The following NUB1 variants were observed in gnomAD, a reference collection of about 807,000 sequenced individuals.
The protein encoded by NUB1 is NEDD8 ultimate buster 1.
Under a neutral mutation model 77.1 loss-of-function variants are expected in NUB1, and 41 were observed. The ratio of observed to expected loss-of-function variants is 0.53; its 90% CI spans 0.41 to 0.69. The LOEUF (loss-of-function observed/expected upper bound fraction) is 0.69, where lower values mean the gene tolerates loss of function less well. NUB1 is among the 30% of genes least tolerant of loss of function. The pLI is 0.00. For missense variants in NUB1, 643 were observed against 743.8 expected (o/e 0.86, Z 1.58); for synonymous variants, 257 against 281.0 (o/e 0.91, Z 0.85).
chr7:151,367,727 C>T, intron 9 of NUB1, 134 bp from the exon 10 acceptor site: 7 of 605,656 alleles, frequency 1.2e-5, no homozygotes, highest in Admixed American at 3.1e-5. Flanking sequence ...TGCCGTCAGT[C>T]ATAGTGAAGC....
At chr7:151,362,182 G>GT (rs1410615632) in intron 8 of NUB1, among the ~76,000 whole-genome samples, 1 of 152,062 alleles carries the variant, frequency 6.6e-6, no homozygotes, top group Non-Finnish European at 1.5e-5. Context: ...AACATGTCCG[G>GT]TAAGTGGTAG....
chr7:151,376,007 C>G, intron 13 of NUB1, 64 bp downstream of exon 13: 1 of 1,029,014 alleles, frequency 9.7e-7, no homozygotes, highest in Admixed American at 1.7e-5. Context: ...TGGGGTAACC[C>G]GGGTGAATCA....
chr7:151,367,108 A>G lies in NUB1; in HGVS notation c.970A>G (p.Arg324Gly). The change falls in exon 9 of 15, where the codon AGA (arginine) becomes GGA (glycine). Residue 324 changes from arginine to glycine, a missense_variant. Arg to Gly is a moderately radical substitution (Grantham distance 125). Transcript: ENST00000568733. The part of the protein sequence containing the change: ...FKNCYGENHQ[R>G]LVHIKGNCGK... Reference sequence around the variant, plus strand: ...AAATTGTTACGGAGAAAATCATCAGAGACTGGTCCACATAAAAGTATGTTC... The same window carrying G: ...AAATTGTTACGGAGAAAATCATCAGGGACTGGTCCACATAAAAGTATGTTC... 1 of 1,613,312 alleles carries G rather than the reference A, an allele frequency of 6.2e-7. No homozygotes were observed. The highest frequency in any genetic ancestry group is 1.3e-5 in the African/African-American group (1 of 74,982).
chr7:151,368,181 T>C (rs914895307), intron 10 of NUB1, among the ~76,000 whole-genome samples: 1 of 152,192 alleles, frequency 6.6e-6, no homozygotes, highest in African/African-American at 2.4e-5. Flanking sequence ...TTTAATTGGA[T>C]AGAAGTTTAT....
chr7:151,361,927 C>T (rs1440621638), intron 8 of NUB1, among the ~76,000 whole-genome samples: 1 of 152,094 alleles, frequency 6.6e-6, no homozygotes, highest in Non-Finnish European at 1.5e-5. Context: ...TCATTCCCTT[C>T]CATAGTTGTT....
rs78815323 is a variant in NUB1 at position 151,375,755 on chromosome 7, C to T, written c.1396-93C>T. 4.7e-3 allele frequency: 3,812 copies of T among 817,554 alleles called. 17 individuals are homozygous for T. The highest frequency in any genetic ancestry group is 6.3e-3 in the Non-Finnish European group (2,956 of 468,154). 50.6% of individuals were successfully genotyped at this position (817,554 alleles called of 1,614,324 possible). Reference sequence around the variant, plus strand: ...TCTGCCTCATAGCAGCAGAGGACGGCGGGGTCTGCCTAGCACATGGCAGGG... The same window carrying T: ...TCTGCCTCATAGCAGCAGAGGACGGTGGGGTCTGCCTAGCACATGGCAGGG... On this transcript the variant is annotated intron_variant, in intron 12 of 14. Coordinates refer to ENST00000568733, the MANE Select transcript of NUB1 (RefSeq NM_001243351.2).
intron 2 of NUB1, among the ~76,000 whole-genome samples, chr7:151,348,107 C>T (rs1371044781): frequency 6.6e-6 from 1 of 152,168 alleles, no homozygotes; most frequent in Admixed American, 6.5e-5. Context: ...CTTTGAGCAT[C>T]TCCAGATGCT....
At chr7:151,369,398 CTCTT>C (rs1360598832) in intron 11 of NUB1, among the ~76,000 whole-genome samples, 5 of 152,192 alleles carry the variant, frequency 3.3e-5, no homozygotes, top group African/African-American at 9.6e-5. Context: ...TCCCCTCTCT[CTCTT>C]TCTTTAACAC....
chr7:151,375,821 G>A (rs1238536889), intron 12 of NUB1, 27 bp from the exon 13 acceptor site: 2 of 1,468,078 alleles, frequency 1.4e-6, no homozygotes, highest in Non-Finnish European at 1.9e-6. Flanking sequence ...CTTAGTGATG[G>A]GTAAAGGGTG....
rs1272042940 is a variant in NUB1, at chr7:151,377,755, T to C, written c.*530T>C. 6.6e-6 allele frequency: 1 copy of C among 152,344 alleles called. No individual in the cohort carries two copies. Among genetic ancestry groups the C allele is most frequent in the East Asian group, 1.9e-4 (1 of 5,198 alleles). 9.4% of individuals were successfully genotyped at this position (152,344 alleles called of 1,614,324 possible). ...TCTTCCTTCCAAGTGCTGTGGGGCA[T>C]AACGATGAGGCGCTGGCCTTGGGGG... On this transcript the variant is annotated 3_prime_UTR_variant, in exon 15 of 15. Transcript: ENST00000568733.
At chr7:151,373,978 T>C in intron 11 of NUB1, 119 bp from the exon 12 acceptor site, 1 of 1,130,800 alleles carries the variant, frequency 8.8e-7, no homozygotes, top group Non-Finnish European at 1.2e-6. Context: ...GGGCCCCCTG[T>C]GCTTTGCTTT....
intron 2 of NUB1, among the ~76,000 whole-genome samples, chr7:151,345,720 C>G (rs546826689): frequency 6.6e-6 from 1 of 152,148 alleles, no homozygotes; most frequent in Non-Finnish European, 1.5e-5. Context: ...CATTATTTAT[C>G]TGGAACTCAT....
At chr7:151,369,349 A>G (rs1163836041) in intron 11 of NUB1, among the ~76,000 whole-genome samples, 1 of 152,146 alleles carries the variant, frequency 6.6e-6, no homozygotes, top group East Asian at 1.9e-4. Context: ...CACATGCTGC[A>G]GTCTCCTTAG....
chr7:151,375,940 C>T lies in NUB1; in HGVS notation c.1488C>T (p.Asp496=), dbSNP rs1017424696. 3 of 1,605,952 alleles carry T rather than the reference C, an allele frequency of 1.9e-6. No individual in the cohort carries two copies. The highest frequency in any genetic ancestry group is 2.6e-6 in the Non-Finnish European group (3 of 1,172,686). ...AAAGTCCTTCCCAGGAAAACATTGA[C>T]CGAGTGAGTGACAGGCCTTTGTGCC... The part of the protein sequence containing the change: ...RQESPSQENI[D]RLVYMGFDAL... Residue 496 remains aspartate, a synonymous_variant, in exon 13 of 15, where the codon GAC becomes GAT. Transcript: ENST00000568733.
At chr7:151,373,542 C>T (rs780472478) in intron 11 of NUB1, among the ~76,000 whole-genome samples, 4 of 152,290 alleles carry the variant, frequency 2.6e-5, no homozygotes, top group South Asian at 2.1e-4. Context: ...CTGTGGGTTC[C>T]GAATGGAATG....
intron 11 of NUB1, among the ~76,000 whole-genome samples, chr7:151,373,800 G>A (rs180908121): frequency 2.2e-4 from 33 of 152,344 alleles, no homozygotes; most frequent in Non-Finnish European, 3.5e-4. Flanking sequence ...CTGGGTTGGC[G>A]AGCAGCCCAT....
chr7:151,374,393 GC>G, intron 12 of NUB1, 150 bp downstream of exon 12: 1 of 1,080,340 alleles, frequency 9.3e-7, no homozygotes, highest in Non-Finnish European at 1.4e-6. Flanking sequence ...CTGGGCTCCA[GC>G]CCAGACACAG....
At chr7:151,358,995 G>A (rs1274331334) in intron 7 of NUB1, among the ~76,000 whole-genome samples, 1 of 151,878 alleles carries the variant, frequency 6.6e-6, no homozygotes, top group Non-Finnish European at 1.5e-5. Context: ...AACTCGGGAG[G>A]CAGAGGTTGC....
In NUB1 at chr7:151,368,879, C is replaced by T. The variant is rs772521464; in HGVS notation, c.1240C>T (p.Arg414Cys). 132 of 1,612,240 alleles carry T rather than the reference C, an allele frequency of 8.2e-5. No homozygotes were observed. The highest frequency in any genetic ancestry group is 1.1e-4 in the Non-Finnish European group (126 of 1,179,212). The change falls in exon 11 of 15, where the codon CGC becomes TGC. Residue 414 changes from arginine (R) to cysteine (C), a missense_variant. Coordinates refer to ENST00000568733, the MANE Select transcript of NUB1 (RefSeq NM_001243351.2). ...VDHAATHITN[R>C]REELAQIRKE... is the part of the protein sequence containing the mutation. ...TCATGCGGCCACTCATATTACCAAC[C>T]GCAGAGAGGTACCCACTTTCACATG...
Sources: allele counts gnomAD v4.1 joint callset (sites outside exome capture counted in the v4.1 genomes callset), GRCh38; gene constraint gnomAD v4.1.1; transcripts MANE v1.5; gene names NCBI Gene and HGNC (gene_info 2026-07-23, HGNC 2026-07-21).